The following TSEN15 variants were observed in gnomAD, a reference collection of about 807,000 sequenced individuals.
TSEN15 encodes tRNA splicing endonuclease subunit 15.
In TSEN15, 10 loss-of-function variants were observed where a neutral mutation model predicts 20.5. That is an observed-to-expected ratio of 0.49 (90% confidence interval 0.30 to 0.83). TSEN15 has a LOEUF of 0.83. TSEN15 is among the 40% of genes least tolerant of loss of function. The pLI is 0.06. For missense variants in TSEN15, 180 were observed against 218.6 expected, an observed-to-expected ratio of 0.82 and a Z score of 1.11; for synonymous variants, 72 against 80.1, an observed-to-expected ratio of 0.90 and a Z score of 0.54.
rs771754885 is a variant in TSEN15 at position 184,054,857 on chromosome 1, A to G, written c.347A>G (p.His116Arg). Residue 116 changes from histidine to arginine, a missense_variant, in exon 3 of 5, where the codon CAT becomes CGT. Physicochemically the swap from His to Arg is conservative, Grantham distance 29. Around this residue, in one of 3 missense-constraint regions of TSEN15, gnomAD observed 76 missense variants for 123.4 expected, o/e 0.62. Coordinates refer to ENST00000645668, the MANE Select transcript of TSEN15 (RefSeq NM_052965.4). ...ACCCCCATCACTGCTTCCCTCAGCCATAACAGGTGAGCAGGTGATTTTGGT... is the reference window on the plus strand; with the variant it reads ...ACCCCCATCACTGCTTCCCTCAGCCGTAACAGGTGAGCAGGTGATTTTGGT... ...VPTPITASLS[H>R]NRIREILKAS... The G allele has an allele frequency of 4.3e-6, 7 of 1,610,222 alleles. No homozygotes were observed. Among genetic ancestry groups the G allele is most frequent in the African/African-American group, 1.3e-5 (1 of 74,964 alleles).
chr1:184,077,530 A>G (rs1651086912), downstream of TSEN15, among the ~76,000 whole-genome samples: 1 of 152,162 alleles, frequency 6.6e-6, no homozygotes, highest in Non-Finnish European at 1.5e-5. Context: ...TTATTGCTTA[A>G]GAAATACATT....
chr1:184,092,840 GC>G (rs1572724308), intron 3 of TSEN15, among the ~76,000 whole-genome samples: 2 of 152,232 alleles, frequency 1.3e-5, no homozygotes, highest in East Asian at 3.9e-4. Flanking sequence ...TTCTTCAACT[GC>G]CCTGAGATGA....
At chr1:184,091,991 C>T (rs1193355849) in intron 3 of TSEN15, among the ~76,000 whole-genome samples, 1 of 152,176 alleles carries the variant, frequency 6.6e-6, no homozygotes, top group Non-Finnish European at 1.5e-5. Flanking sequence ...GTGGCACAGA[C>T]ACTGATATCA....
downstream of TSEN15, among the ~76,000 whole-genome samples, chr1:184,075,860 C>T (rs1007669507): frequency 2.7e-5 from 4 of 150,146 alleles, no homozygotes; most frequent in South Asian, 2.1e-4. Flanking sequence ...GAAATAAAAG[C>T]CTGTTTAGGG....
chr1:184,074,359 A>C (rs1651014847), downstream of TSEN15: 2 of 152,118 alleles, frequency 1.3e-5, no homozygotes, highest in Non-Finnish European at 2.9e-5. Flanking sequence ...CCATGAGGCT[A>C]CAGTCAAGGT....
At chr1:184,058,158 C>T in intron 3 of TSEN15, 2 of 424,216 alleles carry the variant, frequency 4.7e-6, no homozygotes, top group East Asian at 7.8e-5. Context: ...TAGTATTTTC[C>T]AGGTGGTAAT....
chr1:184,082,859 G>A (rs977307740), intron 3 of TSEN15, among the ~76,000 whole-genome samples: 1 of 152,120 alleles, frequency 6.6e-6, no homozygotes, highest in Non-Finnish European at 1.5e-5. Context: ...GCATAATCCT[G>A]TTCCTGAGGC....
intron 3 of TSEN15, among the ~76,000 whole-genome samples, chr1:184,091,135 T>C (rs1651348872): frequency 6.6e-6 from 1 of 152,060 alleles, no homozygotes; most frequent in African/African-American, 2.4e-5. Context: ...AAATACAGCT[T>C]GAGTCATTGT....
chr1:184,094,822 G>C (rs571648969), intron 3 of TSEN15: 1 of 388,556 alleles, frequency 2.6e-6, no homozygotes, highest in East Asian at 3.7e-5. Flanking sequence ...AAAATGTCTG[G>C]ACAGTAGGGT....
chr1:184,084,676 C>T (rs996213117), intron 3 of TSEN15, among the ~76,000 whole-genome samples: 17 of 151,866 alleles, frequency 1.1e-4, no homozygotes, highest in African/African-American at 4.1e-4. Flanking sequence ...CTGGCAAGGG[C>T]CTGCTTGCTT....
chr1:184,087,978 A>G (rs1651293438), intron 3 of TSEN15, among the ~76,000 whole-genome samples: 1 of 152,090 alleles, frequency 6.6e-6, no homozygotes, highest in African/African-American at 2.4e-5. Context: ...CTTAGGGGAG[A>G]CCTAAGCTCC....
At chr1:184,072,584 G>T in intron 4 of TSEN15, 1 of 567,048 alleles carries the variant, frequency 1.8e-6, no homozygotes, top group Non-Finnish European at 3.0e-6. Flanking sequence ...ATTATTTAGT[G>T]AGTAGCTGAG....
chr1:184,063,238 A>G (rs915358292), intron 3 of TSEN15, among the ~76,000 whole-genome samples: 2 of 152,156 alleles, frequency 1.3e-5, no homozygotes, highest in Non-Finnish European at 2.9e-5. Context: ...AAATATTTCA[A>G]AAGTTCTTCT....
At chr1:184,067,966 A>ATG (rs1650744665) in intron 3 of TSEN15, among the ~76,000 whole-genome samples, 1 of 143,060 alleles carries the variant, frequency 7.0e-6, no homozygotes, top group Non-Finnish European at 1.5e-5. Flanking sequence ...ATATATATAT[A>ATG]TATATGTACA....
intron 3 of TSEN15, among the ~76,000 whole-genome samples, chr1:184,086,920 G>T (rs546616558): frequency 6.6e-6 from 1 of 152,134 alleles, no homozygotes; most frequent in Non-Finnish European, 1.5e-5. Flanking sequence ...CTTTTGAAAG[G>T]GGGGAGTATC....
chr1:184,072,392 C>A, intron 4 of TSEN15, 94 bp downstream of exon 4: 1 of 1,152,614 alleles, frequency 8.7e-7, no homozygotes, highest in Non-Finnish European at 1.2e-6. Context: ...AGAACTGCCA[C>A]TTCCTTTGCC....
intron 3 of TSEN15, among the ~76,000 whole-genome samples, chr1:184,064,852 G>A (rs1052410905): frequency 2.0e-5 from 3 of 152,084 alleles, no homozygotes; most frequent in Admixed American, 6.5e-5. Flanking sequence ...AAGTAACTAG[G>A]GTTTAGTCAT....
chr1:184,075,522 T>G (rs1221629953), downstream of TSEN15, among the ~76,000 whole-genome samples: 1 of 152,136 alleles, frequency 6.6e-6, no homozygotes, highest in Non-Finnish European at 1.5e-5. Flanking sequence ...AGTAAATACT[T>G]GGCAAATGAA....
In TSEN15 at chr1:184,051,877, G is replaced by A. The variant is rs868740270; in HGVS notation, c.122G>A (p.Gly41Asp). The A allele has an allele frequency of 1.3e-6, 2 of 1,552,686 alleles. No homozygotes were observed. Among genetic ancestry groups the A allele is most frequent in the Non-Finnish European group, 1.7e-6 (2 of 1,149,326 alleles). Reference sequence around the variant, plus strand: ...TGGGCCCCTGAGGACGCCTGGATGGGCACTCACCCTAAGGTCAGGAGGCGC... The same window carrying A: ...TGGGCCCCTGAGGACGCCTGGATGGACACTCACCCTAAGGTCAGGAGGCGC... ...PSWAPEDAWM[G>D]THPKYLEMME... The change falls in exon 1 of 5, where the codon GGC (glycine) becomes GAC (aspartate). Residue 41 changes from glycine to aspartate, a missense_variant. Around this residue, in one of 3 missense-constraint regions of TSEN15, gnomAD observed 76 missense variants for 66.5 expected, o/e 1.14. Coordinates refer to ENST00000645668, the MANE Select transcript of TSEN15 (RefSeq NM_052965.4).
Sources: gnomAD v4.1 joint callset for allele counts (sites outside exome capture counted in the v4.1 genomes callset) on GRCh38, gnomAD v4.1.1 for gene constraint, gnomAD v4.1.1 regional missense constraint, MANE v1.5 for transcripts, NCBI Gene and HGNC (gene_info 2026-07-23, HGNC 2026-07-21) for gene names.